The following TMEM185A variants were observed in gnomAD, a reference collection of about 807,000 sequenced individuals.
The protein encoded by TMEM185A is family with sequence similarity 11, member A.
In TMEM185A, 9 loss-of-function variants were observed where a neutral mutation model predicts 25.0. That is an observed-to-expected ratio of 0.36 (90% CI 0.22 to 0.63). The LOEUF (loss-of-function observed/expected upper bound fraction) is 0.63. Among genes scored for constraint, TMEM185A ranks in the 20% least tolerant of loss-of-function variants. TMEM185A has a pLI of 0.68. For missense variants in TMEM185A, 103 were observed against 237.4 expected, an observed-to-expected ratio of 0.43 and a Z score of 3.72; for synonymous variants, 45 against 93.5, an observed-to-expected ratio of 0.48 and a Z score of 2.99.
intron 4 of TMEM185A, among the ~76,000 whole-genome samples, chrX:149,602,552 T>C (rs1316995802): frequency 2.7e-5 from 3 of 112,569 alleles, no homozygotes; most frequent in Non-Finnish European, 3.7e-5. Flanking sequence ...TAGATCTCAA[T>C]AGGCTTCCTT....
chrX:149,610,455 A>G (rs1037675611), intron 2 of TMEM185A, among the ~76,000 whole-genome samples: 1 of 94,445 alleles, frequency 1.1e-5, no homozygotes, highest in Non-Finnish European at 2.1e-5. Flanking sequence ...AAAAAAAAAA[A>G]AAAGGTGCGG....
chrX:149,608,743 C>G lies in TMEM185A; in HGVS notation c.307G>C (p.Asp103His). 2.5e-6 allele frequency: 3 copies of G among 1,211,762 alleles called. No individual in the cohort carries two copies. Among genetic ancestry groups the G allele is most frequent in the Non-Finnish European group, 3.4e-6 (3 of 895,415 alleles). Residue 103 changes from aspartate to histidine, a missense_variant, in exon 3 of 7, where the codon GAC (aspartate) becomes CAC (histidine). Physicochemically the swap from Asp to His is moderately conservative, Grantham distance 81. Around this residue, in one of 2 missense-constraint regions of TMEM185A, gnomAD observed 102 missense variants for 125.7 expected, o/e 0.81. Transcript: ENST00000600449. ...AAATGGCTTCCTCTCTCGATTCTGT[C>G]ACAGACCAGAACTTCAAACATCAAC... is the stretch of plus-strand genomic sequence containing the variant. ...LLLMFEVLVC[D>H]RIERGSHFWL...
chrX:149,627,365 G>A (rs1203921954), intron 1 of TMEM185A, among the ~76,000 whole-genome samples: 1 of 112,785 alleles, frequency 8.9e-6, no homozygotes, highest in Non-Finnish European at 1.9e-5. Flanking sequence ...GTTTCTGTGA[G>A]CACAGGGTTG....
intron 4 of TMEM185A, among the ~76,000 whole-genome samples, chrX:149,602,487 C>T (rs1557352505): frequency 6.2e-5 from 7 of 112,383 alleles, no homozygotes; most frequent in Admixed American, 5.6e-4. Context: ...TCCCCGTTCC[C>T]CATTCTGTGA....
At position 149,597,226 on chromosome X, in the gene TMEM185A, G is replaced by T. The variant is rs1372805456; in HGVS notation, c.*785C>A. On this transcript the variant is annotated 3_prime_UTR_variant, in exon 7 of 7. Transcript: ENST00000600449. ...ATGAAGGCGTGGCACCCCACGGGGG[G>T]GGGGGGAGTGTGCCACGGGCGTCCA... The T allele has an allele frequency of 8.5e-5, 7 of 82,117 alleles. No homozygotes were observed. The highest frequency in any genetic ancestry group is 1.2e-4 in the African/African-American group (3 of 24,589). 6.8% of individuals were successfully genotyped at this position (82,117 alleles called of 1,213,427 possible). A position where few individuals can be genotyped will look rare whatever the true frequency, so the allele number is the denominator to read the frequency against.
chrX:149,617,818 C>T (rs782013023), intron 1 of TMEM185A, among the ~76,000 whole-genome samples: 3 of 111,764 alleles, frequency 2.7e-5, no homozygotes, highest in Non-Finnish European at 3.8e-5. Flanking sequence ...TTGATATATC[C>T]GTTCAATGGA....
intron 1 of TMEM185A, among the ~76,000 whole-genome samples, chrX:149,627,349 G>A (rs185271831): frequency 8.9e-6 from 1 of 112,918 alleles, no homozygotes; most frequent in East Asian, 2.8e-4. Flanking sequence ...ATTCATTACA[G>A]CACAGGTTTC....
intron 1 of TMEM185A, among the ~76,000 whole-genome samples, chrX:149,615,146 GGATTGCAA>G (rs2124220677): frequency 8.9e-6 from 1 of 112,194 alleles, no homozygotes; most frequent in East Asian, 2.8e-4. Context: ...GGTTTAGCTA[GGATTGCAA>G]GATTGCAATC....
chrX:149,631,655 G>T lies in TMEM185A; in HGVS notation c.-75C>A. ...GCTGCACAGCCTGCGCCTTACAGCGGGTTCATGGCGCCAGCGCCAGCCGCG... is the reference window on the plus strand; with the variant it reads ...GCTGCACAGCCTGCGCCTTACAGCGTGTTCATGGCGCCAGCGCCAGCCGCG... On this transcript the variant is annotated 5_prime_UTR_variant, in exon 1 of 7. Coordinates refer to ENST00000600449, the MANE Select transcript of TMEM185A (RefSeq NM_032508.4). 1.0e-6 allele frequency: 1 copy of T among 988,658 alleles called. No homozygotes were observed. The highest frequency in any genetic ancestry group is 3.1e-5 in the Admixed American group (1 of 31,869). The allele number at this position is 988,658 out of a possible 1,213,427, so 81.5% of individuals were successfully genotyped here. A position where few individuals can be genotyped will look rare whatever the true frequency, so the allele number is the denominator to read the frequency against.
intron 1 of TMEM185A, among the ~76,000 whole-genome samples, chrX:149,617,055 C>T (rs1411469580): frequency 3.6e-5 from 4 of 112,065 alleles, no homozygotes; most frequent in Admixed American, 9.4e-5. Context: ...AATGGTGGTA[C>T]AACTGGATAA....
At chrX:149,613,228 T>G (rs2090093428) in intron 1 of TMEM185A, among the ~76,000 whole-genome samples, 1 of 112,276 alleles carries the variant, frequency 8.9e-6, no homozygotes, top group South Asian at 3.7e-4. Context: ...ATAGGAAGAT[T>G]ATACTGGATT....
At chrX:149,599,513 C>G (rs1181515328) in intron 6 of TMEM185A, 41 bp downstream of exon 6, 10 of 1,042,363 alleles carry the variant, frequency 9.6e-6, no homozygotes, top group East Asian at 6.6e-5. Flanking sequence ...TGGTCCCCCC[C>G]CAGACACACA....
intron 1 of TMEM185A, among the ~76,000 whole-genome samples, chrX:149,628,143 C>T (rs1557356241): frequency 8.9e-6 from 1 of 111,852 alleles, no homozygotes; most frequent in Non-Finnish European, 1.9e-5. Flanking sequence ...CAGGAGCTCA[C>T]AACAGATGAC....
chrX:149,612,571 T>C (rs782121325), intron 1 of TMEM185A, among the ~76,000 whole-genome samples: 4 of 112,727 alleles, frequency 3.5e-5, no homozygotes, highest in Non-Finnish European at 7.5e-5. Context: ...TAGTCTTCCA[T>C]TGCTGCTGTA....
intron 1 of TMEM185A, among the ~76,000 whole-genome samples, chrX:149,623,060 C>A (rs1557355652): frequency 8.9e-6 from 1 of 111,766 alleles, no homozygotes; most frequent in African/African-American, 3.3e-5. Flanking sequence ...TAGTTATTTG[C>A]AAATATACAT....
chrX:149,603,347 G>A (rs782606185), intron 4 of TMEM185A, among the ~76,000 whole-genome samples: 12 of 107,724 alleles, frequency 1.1e-4, no homozygotes, highest in Non-Finnish European at 2.1e-4. Flanking sequence ...GGTTGGTCTC[G>A]AACTCCTGAG....
chrX:149,606,428 G>A (rs782037853), intron 3 of TMEM185A, among the ~76,000 whole-genome samples: 3 of 113,139 alleles, frequency 2.7e-5, no homozygotes, highest in Non-Finnish European at 5.6e-5. Context: ...CCCTGTGAGT[G>A]CACTGGGGTG....
chrX:149,610,020 A>G (rs1421044106), intron 2 of TMEM185A, among the ~76,000 whole-genome samples: 1 of 112,055 alleles, frequency 8.9e-6, no homozygotes, highest in Non-Finnish European at 1.9e-5. Flanking sequence ...CTATACATGA[A>G]TGTCCCTCAC....
chrX:149,621,273 G>C (rs2124231367), intron 1 of TMEM185A, among the ~76,000 whole-genome samples: 1 of 110,921 alleles, frequency 9.0e-6, no homozygotes, highest in Non-Finnish European at 1.9e-5. Flanking sequence ...CTGTAAAACA[G>C]TTTCCTTATT....
Sources: allele counts gnomAD v4.1 joint callset (sites outside exome capture counted in the v4.1 genomes callset), GRCh38; gene constraint gnomAD v4.1.1; regional missense constraint gnomAD v4.1.1; transcripts MANE v1.5; gene names NCBI Gene and HGNC (gene_info 2026-07-23, HGNC 2026-07-21).